The following AKR1E2 variants were observed in gnomAD, a reference collection of about 807,000 sequenced individuals.
AKR1E2 encodes the protein aldo-keto reductase family 1 member E2.
Under a neutral mutation model 41.9 loss-of-function variants are expected in AKR1E2, and 43 were observed. The observed-to-expected ratio is 1.03, with a 90% confidence interval of 0.80 to 1.32. The LOEUF is 1.32. AKR1E2 is among the 40% of genes most tolerant of loss of function. The pLI is 0.00. For missense variants in AKR1E2, 423 were observed against 396.5 expected, an observed-to-expected ratio of 1.07 and a Z score of -0.57; for synonymous variants, 121 against 138.9, an observed-to-expected ratio of 0.87 and a Z score of 0.91.
downstream of AKR1E2, among the ~76,000 whole-genome samples, chr10:4,849,282 A>G (rs933117584): frequency 6.6e-6 from 1 of 152,008 alleles, no homozygotes; most frequent in Admixed American, 6.5e-5. Context: ...TGGACCTTTA[A>G]TTTTTCCATG....
chr10:4,825,898 G>A (rs920019218), upstream of AKR1E2, among the ~76,000 whole-genome samples: 1 of 152,324 alleles, frequency 6.6e-6, no homozygotes, highest in African/African-American at 2.4e-5. Context: ...CGGTGCGAGG[G>A]AGAAGGCAAC....
the AKR1E2 span, among the ~76,000 whole-genome samples, chr10:4,870,274 A>G: frequency 6.6e-6 from 1 of 152,176 alleles, no homozygotes; most frequent in East Asian, 1.9e-4. Flanking sequence ...CATCCATTTA[A>G]AACCATATAA....
At chr10:4,872,782 A>G in the AKR1E2 span, among the ~76,000 whole-genome samples, 3 of 152,232 alleles carry the variant, frequency 2.0e-5, no homozygotes, top group African/African-American at 7.2e-5. Flanking sequence ...CTAGTAAAAT[A>G]TATGGTGTGT....
At chr10:4,845,886 A>G (rs1834297264) in intron 8 of AKR1E2, 1 of 469,268 alleles carries the variant, frequency 2.1e-6, no homozygotes, top group Admixed American at 2.3e-5. Flanking sequence ...GAGGACAGAC[A>G]GCAGCGGCGG....
intron 1 of AKR1E2, among the ~76,000 whole-genome samples, chr10:4,827,905 T>C (rs755348907): frequency 5.9e-5 from 9 of 152,196 alleles, no homozygotes; most frequent in Non-Finnish European, 7.3e-5. Flanking sequence ...GTCCAGACTT[T>C]CGTGCACACA....
chr10:4,828,793 CT>C (rs1432469102), intron 1 of AKR1E2, among the ~76,000 whole-genome samples: 1 of 152,034 alleles, frequency 6.6e-6, no homozygotes, highest in East Asian at 1.9e-4. Flanking sequence ...GAATATATGT[CT>C]TTTGTTGGAA....
the AKR1E2 span, among the ~76,000 whole-genome samples, chr10:4,864,959 C>T: frequency 6.6e-6 from 1 of 152,136 alleles, no homozygotes; most frequent in Non-Finnish European, 1.5e-5. Flanking sequence ...AATATTCCTA[C>T]ATATCTATGT....
chr10:4,829,177 C>T (rs1053810735), intron 1 of AKR1E2, among the ~76,000 whole-genome samples: 1 of 152,052 alleles, frequency 6.6e-6, no homozygotes, highest in African/African-American at 2.4e-5. Context: ...ATTCTTTTCC[C>T]CGACTTACTG....
the AKR1E2 span, among the ~76,000 whole-genome samples, chr10:4,861,781 G>T: frequency 6.6e-6 from 1 of 152,036 alleles, no homozygotes; most frequent in Non-Finnish European, 1.5e-5. Flanking sequence ...GGGGTTGTTT[G>T]TTTTTTTCTT....
At chr10:4,846,110 A>G (rs1834315749) in intron 8 of AKR1E2, 1 of 305,884 alleles carries the variant, frequency 3.3e-6, no homozygotes, top group Non-Finnish European at 6.6e-6. Context: ...AAACCCAAGA[A>G]TCCGCCTACC....
At chr10:4,866,972 T>C in the AKR1E2 span, among the ~76,000 whole-genome samples, 1 of 152,178 alleles carries the variant, frequency 6.6e-6, no homozygotes, top group East Asian at 1.9e-4. Flanking sequence ...GTCAGAATCT[T>C]GTAGCCTCCA....
downstream of AKR1E2, among the ~76,000 whole-genome samples, chr10:4,852,373 G>A (rs1023008466): frequency 6.6e-6 from 1 of 152,104 alleles, no homozygotes; most frequent in Non-Finnish European, 1.5e-5. Context: ...GATAGATCAC[G>A]GCCCTCATTA....
rs117188546 is a variant in AKR1E2, at chr10:4,843,056, T to C, written c.837+552T>C. Among the ~76,000 whole-genome samples the C allele has an allele frequency of 8.8e-4, 134 of 152,274 alleles. 2 individuals are homozygous for C. The East Asian group carries it at 0.022, about 25-fold the overall frequency. On this transcript the variant is annotated intron_variant, in intron 8 of 9. Transcript: ENST00000298375. ...CAGAACACAGAGAGGCAGCGGTCCT[T>C]TTCAGGGCAATCTTTTCACCTAAGC... is the stretch of plus-strand genomic sequence containing the variant.
rs200262155 is a variant in AKR1E2 at position 4,839,729 on chromosome 10, A to C, written c.583A>C (p.Ile195Leu). 17 of 1,613,034 alleles carry C rather than the reference A, an allele frequency of 1.1e-5. No homozygotes were observed. Among genetic ancestry groups the C allele is most frequent in the Admixed American group, 6.7e-5 (4 of 59,992 alleles). The part of the protein sequence containing the change: ...GLRFKPLTNQ[I>L]ECHPYLTQKN... ...TATGTAAGCTATGATTCTGTTATAG[A>C]TTGAGTGCCACCCATATCTTACTCA... Residue 195 changes from isoleucine (I) to leucine (L), a missense_variant and splice_region_variant, in exon 6 of 10, where the codon ATT (isoleucine) becomes CTT (leucine). Ile to Leu is a conservative substitution (Grantham distance 5, BLOSUM62 2). Coordinates refer to ENST00000298375, the MANE Select transcript of AKR1E2 (RefSeq NM_001040177.3).
At chr10:4,837,979 C>T (rs1833570916) in intron 5 of AKR1E2, among the ~76,000 whole-genome samples, 1 of 152,226 alleles carries the variant, frequency 6.6e-6, no homozygotes, top group Non-Finnish European at 1.5e-5. Context: ...GCGAGGCTCA[C>T]AGGCTGCTGA....
At chr10:4,834,607 C>T (rs938380761) in intron 3 of AKR1E2, among the ~76,000 whole-genome samples, 6 of 152,180 alleles carry the variant, frequency 3.9e-5, no homozygotes, top group African/African-American at 1.4e-4. Context: ...AAAGTTGACA[C>T]TATTAACATC....
At chr10:4,830,137 C>A (rs777464794) in intron 1 of AKR1E2, among the ~76,000 whole-genome samples, 26 of 152,186 alleles carry the variant, frequency 1.7e-4, no homozygotes, top group Non-Finnish European at 3.5e-4. Flanking sequence ...CCCGCCCACC[C>A]CCATAGTCTT....
chr10:4,870,739 GA>G, the AKR1E2 span, among the ~76,000 whole-genome samples: 1 of 151,218 alleles, frequency 6.6e-6, no homozygotes, highest in Non-Finnish European at 1.5e-5. Flanking sequence ...ATTTAATTAT[GA>G]TGTGTCTTGG....
At chr10:4,842,581 A>G (rs866808717) in intron 8 of AKR1E2, 77 bp downstream of exon 8, 2 of 1,391,760 alleles carry the variant, frequency 1.4e-6, no homozygotes, top group Middle Eastern at 3.6e-4. Flanking sequence ...TGTAGCATAC[A>G]GCCTCAGGGT....
Sources: allele counts gnomAD v4.1 joint callset (sites outside exome capture counted in the v4.1 genomes callset), GRCh38; gene constraint gnomAD v4.1.1; transcripts MANE v1.5; gene names NCBI Gene and HGNC (gene_info 2026-07-23, HGNC 2026-07-21).